NRXN3: variants seen among roughly 807,000 people sequenced by gnomAD.
The protein encoded by NRXN3 is neurexin 3.
NRXN3 carries 32 observed loss-of-function variants against 137.6 expected under a neutral mutation model. The observed-to-expected ratio is 0.23, with a 90% CI of 0.18 to 0.31. The LOEUF is 0.31. Ranked by LOEUF, NRXN3 falls within the 10% of genes least tolerant of loss-of-function variation. NRXN3 has a pLI of 1.00. For missense variants in NRXN3, 1,574 were observed against 2,062.5 expected (o/e 0.76, Z 4.59); for synonymous variants, 798 against 784.5 (o/e 1.02, Z -0.29).
At chr14:79,251,333 C>T (rs557214083) in intron 15 of NRXN3, among the ~76,000 whole-genome samples, 4 of 152,068 alleles carry the variant, frequency 2.6e-5, no homozygotes, top group East Asian at 3.9e-4. Context: ...AAACAGGGGC[C>T]GAGCTGAATG....
At chr14:78,570,969 G>A (rs188352086) in intron 4 of NRXN3, among the ~76,000 whole-genome samples, 3 of 152,290 alleles carry the variant, frequency 2.0e-5, no homozygotes, top group Admixed American at 6.5e-5. Flanking sequence ...CTCTGATGGT[G>A]GCAGGGGTGG....
At chr14:78,755,669 G>A (rs763924750) in intron 8 of NRXN3, among the ~76,000 whole-genome samples, 18 of 152,184 alleles carry the variant, frequency 1.2e-4, no homozygotes, top group Admixed American at 2.0e-4. Context: ...CTTTGATGAA[G>A]AGATTCCATT....
In NRXN3 at chr14:78,413,982, G is replaced by A. The variant is rs138167591; in HGVS notation, c.757+116122G>A. On this transcript the variant is annotated intron_variant, in intron 4 of 20. Transcript: ENST00000335750. ...TGAGTAAGTCTTATGAGATCTAGTC[G>A]TTTTATAAAAGAGAGTTCCCCTGCA... 8.9e-4 allele frequency among the ~76,000 whole-genome samples: 136 copies of A among 152,194 alleles called. 1 individual carries two copies. The highest frequency in any genetic ancestry group is 3.4e-3 in the Middle Eastern group (1 of 294).
chr14:79,166,813 A>G (rs2061327311), intron 15 of NRXN3, among the ~76,000 whole-genome samples: 2 of 151,872 alleles, frequency 1.3e-5, no homozygotes, highest in Admixed American at 6.6e-5. Flanking sequence ...CTGAGATTCC[A>G]TTTTCTCATC....
intron 20 of NRXN3, among the ~76,000 whole-genome samples, chr14:79,845,552 G>C (rs1429564854): frequency 2.0e-5 from 3 of 148,302 alleles, no homozygotes; most frequent in African/African-American, 7.5e-5. Context: ...GAGAGACAAG[G>C]ATAGACAGAG....
chr14:79,253,250 C>A (rs763146970), intron 15 of NRXN3, among the ~76,000 whole-genome samples: 1 of 152,114 alleles, frequency 6.6e-6, no homozygotes, highest in South Asian at 2.1e-4. Context: ...GAAAGGATTG[C>A]GTTTTGACAG....
intron 4 of NRXN3, among the ~76,000 whole-genome samples, chr14:78,372,418 G>C (rs1232395190): frequency 6.6e-6 from 1 of 151,856 alleles, no homozygotes; most frequent in Non-Finnish European, 1.5e-5. Flanking sequence ...TCTGCCTCCT[G>C]GGTTCAAGCA....
intron 15 of NRXN3, among the ~76,000 whole-genome samples, chr14:79,094,979 A>AGAGAGAGAGTGTGTGT (rs553957969): frequency 6.9e-5 from 8 of 115,926 alleles, no homozygotes; most frequent in African/African-American, 1.6e-4. Flanking sequence ...AGAGAGAGAG[A>AGAGAGAGAGTGTGTGT]GTGTGTGTGT....
chr14:78,184,966 A>G (rs956027459), intron 1 of NRXN3, among the ~76,000 whole-genome samples: 1 of 152,216 alleles, frequency 6.6e-6, no homozygotes, highest in African/African-American at 2.4e-5. Flanking sequence ...TGAGATGTAC[A>G]TCTGGGGCTG....
chr14:78,588,123 G>A (rs555923010), intron 4 of NRXN3, among the ~76,000 whole-genome samples: 20 of 152,270 alleles, frequency 1.3e-4, no homozygotes, highest in African/African-American at 4.3e-4. Context: ...ATAAGCTTCT[G>A]TACCTGAGTT....
At chr14:78,242,171 T>A (rs900125963) in intron 1 of NRXN3, among the ~76,000 whole-genome samples, 1 of 152,220 alleles carries the variant, frequency 6.6e-6, no homozygotes, top group African/African-American at 2.4e-5. Context: ...TATTTTTACA[T>A]ATGGAAAACC....
chr14:78,495,729 T>C (rs530210933), intron 4 of NRXN3, among the ~76,000 whole-genome samples: 1 of 152,274 alleles, frequency 6.6e-6, no homozygotes, highest in South Asian at 2.1e-4. Flanking sequence ...AAAGGAGACA[T>C]TGAGTGCTTT....
intron 16 of NRXN3, among the ~76,000 whole-genome samples, chr14:79,619,379 T>C (rs2098196907): frequency 6.6e-6 from 1 of 152,120 alleles, no homozygotes; most frequent in Non-Finnish European, 1.5e-5. Context: ...ATAATATTTG[T>C]ATATGGTGAG....
At chr14:78,826,441 A>G (rs1293154654) in intron 10 of NRXN3, among the ~76,000 whole-genome samples, 1 of 152,176 alleles carries the variant, frequency 6.6e-6, no homozygotes, top group East Asian at 1.9e-4. Flanking sequence ...CTCATGTTCC[A>G]TTGTGCCATT....
At chr14:79,623,580 A>C (rs1346299714) in intron 16 of NRXN3, among the ~76,000 whole-genome samples, 1 of 152,368 alleles carries the variant, frequency 6.6e-6, no homozygotes, top group South Asian at 2.1e-4. Flanking sequence ...CTACTAAGCT[A>C]TCATAGTTGA....
chr14:79,327,754 A>G (rs1367154538), intron 15 of NRXN3, among the ~76,000 whole-genome samples: 2 of 152,160 alleles, frequency 1.3e-5, no homozygotes, highest in Non-Finnish European at 2.9e-5. Context: ...GGTCCTTATT[A>G]GATTATATAT....
intron 7 of NRXN3, among the ~76,000 whole-genome samples, chr14:78,710,970 CA>C (rs1381984168): frequency 6.6e-6 from 1 of 152,186 alleles, no homozygotes; most frequent in East Asian, 1.9e-4. Context: ...GAAAAACACC[CA>C]AAAAATTAAT....
At chr14:79,708,986 A>T (rs897968453) in intron 19 of NRXN3, among the ~76,000 whole-genome samples, 3 of 142,480 alleles carry the variant, frequency 2.1e-5, no homozygotes, top group South Asian at 2.4e-4. Flanking sequence ...TGTGTGTGAG[A>T]GAGAGAGAGA....
intron 1 of NRXN3, among the ~76,000 whole-genome samples, chr14:78,173,883 G>T (rs1438742002): frequency 2.0e-5 from 3 of 151,458 alleles, no homozygotes; most frequent in Admixed American, 1.3e-4. Flanking sequence ...ATTTTGCTTG[G>T]TTTCATTCCC....
Sources: gnomAD v4.1 joint callset for allele counts (sites outside exome capture counted in the v4.1 genomes callset) on GRCh38, gnomAD v4.1.1 for gene constraint, MANE v1.5 for transcripts, NCBI Gene and HGNC (gene_info 2026-07-23, HGNC 2026-07-21) for gene names.